The following ANK1 variants were observed in gnomAD, a reference collection of about 807,000 sequenced individuals.
ANK1 encodes the protein ankyrin-1.
Under a neutral mutation model 210.4 loss-of-function variants are expected in ANK1, and 51 were observed. The observed-to-expected ratio is 0.24, with a 90% CI of 0.19 to 0.31. The LOEUF (loss-of-function observed/expected upper bound fraction) is 0.31. Among genes scored for constraint, ANK1 ranks in the 10% least tolerant of loss-of-function variants. ANK1 has a pLI of 1.00. For synonymous variants in ANK1, 967 were observed against 1,025.9 expected (o/e 0.94, Z 1.10); for missense variants, 2,051 against 2,504.4 (o/e 0.82, Z 3.86).
At chr8:41,855,426 G>T (rs1163756754) in intron 1 of ANK1, among the ~76,000 whole-genome samples, 1 of 152,226 alleles carries the variant, frequency 6.6e-6, no homozygotes, top group Non-Finnish European at 1.5e-5. Context: ...GCACCACACA[G>T]AGGCCATCGT....
intron 37 of ANK1, among the ~76,000 whole-genome samples, chr8:41,680,392 C>T (rs112601576): frequency 0.22 from 32,720 of 151,748 alleles, 3,944 homozygotes; most frequent in South Asian, 0.3. Flanking sequence ...GTGAGATCCC[C>T]GTCTCTACTA....
chr8:41,702,957 C>A (rs1431913789), intron 20 of ANK1, among the ~76,000 whole-genome samples: 3 of 151,894 alleles, frequency 2.0e-5, no homozygotes, highest in Admixed American at 6.5e-5. Context: ...GTAGCTGGGA[C>A]TACAGGTGCC....
At position 41,655,420 on chromosome 8, in the gene ANK1, C is replaced by T. The variant is rs1805328683; in HGVS notation, c.*370G>A. The T allele has an allele frequency of 2.8e-6, 1 of 356,468 alleles. No homozygotes were observed. Among genetic ancestry groups the T allele is most frequent in the East Asian group, 4.5e-5 (1 of 22,328 alleles). 22.1% of individuals were successfully genotyped at this position (356,468 alleles called of 1,614,324 possible). A position where few individuals can be genotyped will look rare whatever the true frequency, so the allele number is the denominator to read the frequency against. On this transcript the variant is annotated 3_prime_UTR_variant, in exon 43 of 43. Transcript: ENST00000289734. ...AAAAAAAAAACCCCAAAACCAAAAC[C>T]CATCCCCAGCCACAAAAAGCCCTCA...
Position 41,661,421 on chromosome 8 carries a change from C to G in ANK1, c.*36+9G>C, listed in dbSNP as rs746314516. The G allele has an allele frequency of 1.2e-6, 2 of 1,613,682 alleles. No homozygotes were observed. Among genetic ancestry groups the G allele is most frequent in the African/African-American group, 2.7e-5 (2 of 74,916 alleles). ...GGCCATGCAGAGGGGATGAGAAGGG[C>G]AGCGTTACCTCCCGAGAGGCTACTC... On this transcript the variant is annotated intron_variant, in intron 42 of 42. Coordinates refer to ENST00000289734, the MANE Select transcript of ANK1 (RefSeq NM_000037.4).
intron 1 of ANK1, among the ~76,000 whole-genome samples, chr8:41,761,496 G>T (rs1360673707): frequency 6.6e-6 from 1 of 152,226 alleles, no homozygotes; most frequent in East Asian, 1.9e-4. Flanking sequence ...ACCTCTGGGA[G>T]GTGGAGGCTC....
Position 41,723,609 on chromosome 8 carries a change from C to T in ANK1, c.736G>A (p.Ala246Thr), listed in dbSNP as rs1445952603. Residue 246 changes from alanine (A) to threonine (T), a missense_variant, in exon 8 of 43, where the codon GCC (alanine) becomes ACC (threonine). Around this residue, in one of 6 missense-constraint regions of ANK1, gnomAD observed 1,413 missense variants for 1,707.4 expected, o/e 0.83. Transcript: ENST00000289734. ...PQNGITPLHIASRRGNVIMVR... is the reference protein window; with the variant it reads ...PQNGITPLHITSRRGNVIMVR... ...ATGATCACGTTGCCCCTGCGGGAGG[C>T]GATGTGCAGTGGCGTGATGCCGTTC... 4.3e-6 allele frequency: 7 copies of T among 1,613,368 alleles called. No homozygotes were observed. The highest frequency in any genetic ancestry group is 2.2e-5 in the East Asian group (1 of 44,862).
At chr8:41,798,357 TAAC>T (rs1330112363), upstream of ANK1, among the ~76,000 whole-genome samples, 1 of 152,014 alleles carries the variant, frequency 6.6e-6, no homozygotes, top group East Asian at 2.0e-4. Flanking sequence ...GGGCCAAAAA[TAAC>T]AACGTTCCTG....
At chr8:41,834,491 C>G (rs987063495) in intron 1 of ANK1, among the ~76,000 whole-genome samples, 1 of 152,226 alleles carries the variant, frequency 6.6e-6, no homozygotes, top group Admixed American at 6.5e-5. Flanking sequence ...CAAACCCCAT[C>G]CCTAAACCCA....
rs560765069 is a variant in ANK1, at chr8:41,688,052, G to C, written c.4258+104C>G. ...ACAATCACAAATCAGATAACCCACG[G>C]GTGATAAAAGGAGGGTTAGAAATGC... is the stretch of plus-strand genomic sequence containing the variant. On this transcript the variant is annotated intron_variant, in intron 35 of 42. Transcript: ENST00000289734. 8.2e-6 allele frequency: 11 copies of C among 1,335,132 alleles called. No individual in the cohort carries two copies. In the South Asian group the frequency reaches 1.3e-4, roughly 16 times the overall value. The allele number at this position is 1,335,132 out of a possible 1,614,324, so 82.7% of individuals were successfully genotyped here. A position where few individuals can be genotyped will look rare whatever the true frequency, so the allele number is the denominator to read the frequency against.
At chr8:41,817,539 C>T (rs1224407415) in intron 1 of ANK1, among the ~76,000 whole-genome samples, 4 of 152,214 alleles carry the variant, frequency 2.6e-5, no homozygotes, top group African/African-American at 9.6e-5. Context: ...GCTGACCCAT[C>T]CATCCGATCT....
In ANK1 at chr8:41,734,080, C is replaced by G; in HGVS notation, c.130-11G>C. On this transcript the variant is annotated splice_polypyrimidine_tract_variant and intron_variant, in intron 2 of 42. Coordinates refer to ENST00000289734, the MANE Select transcript of ANK1 (RefSeq NM_000037.4). ...GCCATTCAACCCATTCTGTAAAGAG[C>G]AGAGAGGCGGGAAGGGCATGGTTAG... 6.2e-7 allele frequency: 1 copy of G among 1,611,858 alleles called. No homozygotes were observed. Among genetic ancestry groups the G allele is most frequent in the South Asian group, 1.1e-5 (1 of 91,040 alleles).
intron 9 of ANK1, 95 bp from the exon 10 acceptor site, chr8:41,719,953 C>A: frequency 7.1e-7 from 1 of 1,402,144 alleles, no homozygotes; most frequent in Non-Finnish European, 1.0e-6. Flanking sequence ...TACTTCTTCC[C>A]TACACAATGT....
intron 1 of ANK1, among the ~76,000 whole-genome samples, chr8:41,791,682 C>G (rs1372361231): frequency 1.3e-5 from 2 of 152,196 alleles, no homozygotes; most frequent in South Asian, 4.1e-4. Context: ...CCGCCCACCT[C>G]GGACTCCCAA....
At position 41,769,977 on chromosome 8, in the gene ANK1, C is replaced by CTTTTTTTTTTTTTTTTTTTT. The variant is rs59542968; in HGVS notation, c.28-11860_28-11841dup. On this transcript the variant is annotated intron_variant, in intron 1 of 42. Transcript: ENST00000289734. ...ATATCTTCTTTTTTTTTTCTTTTTT[C>CTTTTTTTTTTTTTTTTTTTT]TTTTTTTTTTTTTTTTTTTTTGAGG... Among the ~76,000 whole-genome samples the CTTTTTTTTTTTTTTTTTTTT allele has an allele frequency of 5.1e-4, 44 of 86,646 alleles. 1 individual carries two copies. The highest frequency in any genetic ancestry group is 1.0e-3 in the African/African-American group (21 of 20,302). 56.8% of individuals were successfully genotyped at this position (86,646 alleles called of 152,430 possible).
intron 1 of ANK1, among the ~76,000 whole-genome samples, chr8:41,805,171 TTCTTTC>T (rs1294324694): frequency 8.0e-6 from 1 of 124,644 alleles, no homozygotes; most frequent in African/African-American, 5.5e-5. Context: ...CTCTCTCTCT[TTCTTTC>T]TTTCTTTCTC....
chr8:41,719,908 G>A, intron 9 of ANK1, 50 bp from the exon 10 acceptor site: 1 of 1,593,366 alleles, frequency 6.3e-7, no homozygotes, highest in Non-Finnish European at 8.6e-7. Flanking sequence ...TGGGGACCGA[G>A]CATGGAGATT....
At chr8:41,885,518 G>A (rs1040497339) in intron 1 of ANK1, among the ~76,000 whole-genome samples, 3 of 152,172 alleles carry the variant, frequency 2.0e-5, no homozygotes, top group Admixed American at 1.3e-4. Context: ...GCTCCATGTC[G>A]GCGGACAGGC....
upstream of ANK1, chr8:41,797,636 C>T (rs1587022511): frequency 1.0e-5 from 16 of 1,574,764 alleles, no homozygotes; most frequent in Admixed American, 1.8e-5. This position sits in a 1 kb window ranked among gnomAD's most constrained non-coding sequence, Gnocchi z 4.0. Flanking sequence ...GGGCCTGTGA[C>T]GTGCGGGCCA....
At chr8:41,876,611 T>C (rs868204017) in intron 1 of ANK1, among the ~76,000 whole-genome samples, 4 of 152,218 alleles carry the variant, frequency 2.6e-5, no homozygotes, top group South Asian at 2.1e-4. Context: ...GTACGCGCTG[T>C]CCTTCACACC....
Sources: gnomAD v4.1 joint callset for allele counts (sites outside exome capture counted in the v4.1 genomes callset) on GRCh38, gnomAD v4.1.1 for gene constraint, gnomAD v4.1.1 regional missense constraint, Gnocchi (gnomAD v3.1) non-coding constraint, MANE v1.5 for transcripts, NCBI Gene and HGNC (gene_info 2026-07-23, HGNC 2026-07-21) for gene names.